The following NME1 variants were observed in gnomAD, a reference collection of about 807,000 sequenced individuals.
NME1 encodes the protein nucleoside diphosphate kinase A.
NME1 carries 9 observed loss-of-function variants against 17.2 expected under a neutral mutation model. The ratio of observed to expected loss-of-function variants is 0.52; its 90% CI spans 0.32 to 0.92. The LOEUF is 0.92. NME1 is among the 40% of genes least tolerant of loss of function. The pLI is 0.04. For synonymous variants in NME1, 72 were observed against 70.8 expected, an observed-to-expected ratio of 1.02 and a Z score of -0.09; for missense variants, 169 against 201.7, an observed-to-expected ratio of 0.84 and a Z score of 0.98.
chr17:51,154,926 T>G (rs2049763201), intron 1 of NME1, among the ~76,000 whole-genome samples: 1 of 152,214 alleles, frequency 6.6e-6, no homozygotes. Context: ...ACACAGTAGA[T>G]GTTTAAAAGA....
At position 51,161,207 on chromosome 17, in the gene NME1, G is replaced by T. The variant is rs1190110974; in HGVS notation, c.276G>T (p.Gly92=). The change falls in exon 4 of 5, where the codon GGG becomes GGT. Residue 92 remains glycine, a synonymous_variant. Transcript: ENST00000393196. ...NVVKTGRVML[G]ETNPADSKPG... ...TGAAGACGGGCCGAGTCATGCTCGG[G>T]GAGACCAACCCTGCAGACTCCAAGC... 1 of 1,612,968 alleles carries T rather than the reference G, an allele frequency of 6.2e-7. No individual in the cohort carries two copies. Among genetic ancestry groups the T allele is most frequent in the African/African-American group, 1.3e-5 (1 of 74,906 alleles).
At chr17:51,160,588 G>A (rs2049850177) in intron 3 of NME1, 1 of 258,238 alleles carries the variant, frequency 3.9e-6, no homozygotes, top group African/African-American at 2.3e-5. Flanking sequence ...GGAAGCTATG[G>A]GACACTTCAC....
At chr17:51,155,311 G>A (rs531388427) in intron 1 of NME1, among the ~76,000 whole-genome samples, 9 of 151,936 alleles carry the variant, frequency 5.9e-5, no homozygotes, top group Non-Finnish European at 1.5e-5. Context: ...CACTTTGGTA[G>A]GCTGAGGTGG....
rs140160252 is a variant in NME1, at chr17:51,157,805, C to T, written c.126+2025C>T. 4.0e-3 allele frequency among the ~76,000 whole-genome samples: 604 copies of T among 152,174 alleles called. 5 individuals are homozygous for T. The highest frequency in any genetic ancestry group is 0.017 in the Middle Eastern group (5 of 294). On this transcript the variant is annotated intron_variant, in intron 2 of 4. Transcript: ENST00000393196. ...TGACCCCTGAGTGCAGATACTTTCTCCTTTACATTGAATTTCCTATTAAGG... is the reference window on the plus strand; with the variant it reads ...TGACCCCTGAGTGCAGATACTTTCTTCTTTACATTGAATTTCCTATTAAGG...
At chr17:51,155,119 C>T (rs577959953) in intron 1 of NME1, among the ~76,000 whole-genome samples, 1 of 151,652 alleles carries the variant, frequency 6.6e-6, no homozygotes, top group South Asian at 2.1e-4. Flanking sequence ...TGGCACGCAC[C>T]TGTAGTCCCA....
intron 4 of NME1, 29 bp downstream of exon 4, chr17:51,161,301 C>T (rs2049862056): frequency 6.4e-7 from 1 of 1,568,802 alleles, no homozygotes; most frequent in African/African-American, 1.4e-5. Context: ...TCCCCCTTTT[C>T]CAAAATCTGA....
chr17:51,159,061 A>G (rs2049827204), intron 2 of NME1, among the ~76,000 whole-genome samples: 1 of 152,216 alleles, frequency 6.6e-6, no homozygotes, highest in African/African-American at 2.4e-5. Context: ...GCTGCTCATT[A>G]AATGCCAAGA....
intron 2 of NME1, among the ~76,000 whole-genome samples, chr17:51,159,553 C>T (rs1457105270): frequency 1.3e-5 from 2 of 151,954 alleles, no homozygotes; most frequent in Admixed American, 1.3e-4. Context: ...GTCAGGATCA[C>T]GCCACTGCAC....
chr17:51,161,232 C>T lies in NME1; in HGVS notation c.301C>T (p.Pro101Ser), dbSNP rs137925518. 70 of 1,612,812 alleles carry T rather than the reference C, an allele frequency of 4.3e-5. 2 individuals carry two copies. The African/African-American group carries it at 8.0e-4, about 18-fold the overall frequency. ...LGETNPADSK[P>S]GTIRGDFCIQ... ...GGAGACCAACCCTGCAGACTCCAAG[C>T]CTGGGACCATCCGTGGAGACTTCTG... The change falls in exon 4 of 5, where the codon CCT becomes TCT. Residue 101 changes from proline to serine, a missense_variant. Physicochemically the swap from Pro to Ser is moderately conservative, Grantham distance 74. Transcript: ENST00000393196.
chr17:51,161,315 A>G, intron 4 of NME1, 43 bp downstream of exon 4: 1 of 1,541,520 alleles, frequency 6.5e-7, no homozygotes, highest in Non-Finnish European at 8.8e-7. Flanking sequence ...AATCTGATTT[A>G]GTTGCCACAA....
In NME1 at chr17:51,153,668, A is replaced by C. The variant is rs1344041655; in HGVS notation, c.-5+6A>C. ...AAACCTAAGCAGCTGGAAGGGTAAGAGGTGTTCGGGATCCTGAGAGGAAAA... is the reference window on the plus strand; with the variant it reads ...AAACCTAAGCAGCTGGAAGGGTAAGCGGTGTTCGGGATCCTGAGAGGAAAA... On this transcript the variant is annotated splice_donor_region_variant and intron_variant, in intron 1 of 4. Transcript: ENST00000393196. 2 of 152,746 alleles carry C rather than the reference A, an allele frequency of 1.3e-5. No individual in the cohort carries two copies. The highest frequency in any genetic ancestry group is 2.9e-5 in the Non-Finnish European group (2 of 68,512). 9.5% of individuals were successfully genotyped at this position (152,746 alleles called of 1,614,324 possible). A position where few individuals can be genotyped will look rare whatever the true frequency, so the allele number is the denominator to read the frequency against.
At position 51,161,808 on chromosome 17, in the gene NME1, A is replaced by G; in HGVS notation, c.422A>G (p.Asp141Gly). The change falls in exon 5 of 5, where the codon GAT becomes GGT. Residue 141 changes from aspartate to glycine, a missense_variant. By Grantham distance (94) the Asp-to-Gly change is moderately conservative. Transcript: ENST00000393196. The stretch of plus-strand genomic sequence containing the variant: ...TGGTTTCACCCTGAGGAACTGGTAG[A>G]TTACACGAGCTGTGCTCAGAACTGG... ...GLWFHPEELV[D>G]YTSCAQNWIY... The G allele has an allele frequency of 4.3e-6, 7 of 1,613,906 alleles. No homozygotes were observed. The highest frequency in any genetic ancestry group is 5.1e-6 in the Non-Finnish European group (6 of 1,179,826).
chr17:51,155,600 T>G (rs1318793261), intron 1 of NME1, 51 bp from the exon 2 acceptor site: 1 of 1,609,892 alleles, frequency 6.2e-7, no homozygotes, highest in Non-Finnish European at 8.5e-7. Context: ...CGGATGACGC[T>G]GTAGGCAAGT....
At chr17:51,157,976 C>T (rs1325972752) in intron 2 of NME1, among the ~76,000 whole-genome samples, 1 of 152,152 alleles carries the variant, frequency 6.6e-6, no homozygotes, top group African/African-American at 2.4e-5. Flanking sequence ...ATCTGTTTTG[C>T]AGACTAAAGA....
chr17:51,154,571 C>T, intron 1 of NME1: 1 of 755,906 alleles, frequency 1.3e-6, no homozygotes, highest in South Asian at 1.5e-5. Context: ...CACACCCCAC[C>T]GTTTATTGGC....
chr17:51,154,157 C>CTT (rs200349379), intron 1 of NME1: 208 of 531,016 alleles, frequency 3.9e-4, no homozygotes, highest in South Asian at 5.5e-4. Context: ...TTGTCTCTCT[C>CTT]TCTTTTTTTT....
Position 51,161,871 on chromosome 17 carries a change from C to T in NME1, c.*26C>T, listed in dbSNP as rs772673582. The T allele has an allele frequency of 1.4e-6, 2 of 1,429,786 alleles. No individual in the cohort carries two copies. Among genetic ancestry groups the T allele is most frequent in the African/African-American group, 2.8e-5 (2 of 71,516 alleles). 88.6% of individuals were successfully genotyped at this position (1,429,786 alleles called of 1,614,324 possible). A position where few individuals can be genotyped will look rare whatever the true frequency, so the allele number is the denominator to read the frequency against. Reference sequence around the variant, plus strand: ...CAGGAGGGCAGACCACATTGCTTTTCACATCCATTTCCCCTCCTTCCCATG... The same window carrying T: ...CAGGAGGGCAGACCACATTGCTTTTTACATCCATTTCCCCTCCTTCCCATG... On this transcript the variant is annotated 3_prime_UTR_variant, in exon 5 of 5. Coordinates refer to ENST00000393196, the MANE Select transcript of NME1 (RefSeq NM_000269.3).
chr17:51,154,407 C>G, intron 1 of NME1: 1 of 1,614,132 alleles, frequency 6.2e-7, no homozygotes. Context: ...GATCGTCTTT[C>G]AAGGCGAGGG....
chr17:51,156,721 G>T (rs551483994), intron 2 of NME1, among the ~76,000 whole-genome samples: 1 of 151,786 alleles, frequency 6.6e-6, no homozygotes, highest in South Asian at 2.1e-4. Context: ...ATGAAACCCC[G>T]TCTCTACTAA....
Sources: allele counts gnomAD v4.1 joint callset (sites outside exome capture counted in the v4.1 genomes callset), GRCh38; gene constraint gnomAD v4.1.1; transcripts MANE v1.5; gene names NCBI Gene and HGNC (gene_info 2026-07-23, HGNC 2026-07-21).